SPATA31H1: variants seen among roughly 807,000 people sequenced by gnomAD.
SPATA31H1 encodes the protein spermatogenesis-associated protein 31H1.
the SPATA31H1 span, among the ~76,000 whole-genome samples, chr2:27,562,624 C>T: frequency 6.6e-6 from 1 of 150,852 alleles, no homozygotes; most frequent in Non-Finnish European, 1.5e-5. Context: ...CGGTGGCTCA[C>T]GCCTGTAATC....
At chr2:27,581,375 T>C in the SPATA31H1 span, 1 of 1,607,268 alleles carries the variant, frequency 6.2e-7, no homozygotes, top group Non-Finnish European at 8.5e-7. Flanking sequence ...ATTCCAGTCC[T>C]TCTGAGAGAA....
At chr2:27,541,554 C>G in the SPATA31H1 span, among the ~76,000 whole-genome samples, 2 of 151,568 alleles carry the variant, frequency 1.3e-5, 1 homozygote, top group African/African-American at 4.9e-5. Flanking sequence ...AATGAACGAA[C>G]GACTTCTCAG....
the SPATA31H1 span, chr2:27,575,227 T>C: frequency 2.5e-6 from 1 of 398,562 alleles, no homozygotes; most frequent in East Asian, 3.6e-5. The surrounding 1 kb of genome is among the most constrained non-coding windows in gnomAD (Gnocchi z 4.1). Flanking sequence ...AAGTTGGCCT[T>C]GGAATCAAAG....
At chr2:27,552,585 T>C in the SPATA31H1 span, among the ~76,000 whole-genome samples, 8 of 152,050 alleles carry the variant, frequency 5.3e-5, no homozygotes, top group African/African-American at 1.9e-4. Flanking sequence ...TGTAATTCCA[T>C]ATGAATTTTA....
At chr2:27,580,979 C>T in the SPATA31H1 span, 2 of 1,614,168 alleles carry the variant, frequency 1.2e-6, no homozygotes, top group South Asian at 1.1e-5. Flanking sequence ...TCCAAACTGC[C>T]TCAGTGGGGC....
chr2:27,560,060 G>T, the SPATA31H1 span, among the ~76,000 whole-genome samples: 6 of 151,712 alleles, frequency 4.0e-5, no homozygotes, highest in Admixed American at 2.0e-4. Context: ...TAGAGATGGG[G>T]TTTCACCATG....
At chr2:27,582,201 T>C in the SPATA31H1 span, 1 of 1,584,380 alleles carries the variant, frequency 6.3e-7, no homozygotes, top group Non-Finnish European at 8.6e-7. Flanking sequence ...TGGGAAAACC[T>C]GTCACAGTCC....
the SPATA31H1 span, chr2:27,568,837 G>C: frequency 2.5e-6 from 1 of 398,850 alleles, no homozygotes; most frequent in Non-Finnish European, 4.4e-6. Flanking sequence ...CTGAACAAAG[G>C]GACACAATTT....
chr2:27,569,031 A>G, the SPATA31H1 span: 2 of 398,878 alleles, frequency 5.0e-6, no homozygotes, highest in Non-Finnish European at 8.8e-6. Context: ...TATTGGGTTG[A>G]CACAACCATC....
chr2:27,540,135 C>T, the SPATA31H1 span, among the ~76,000 whole-genome samples: 18 of 104,240 alleles, frequency 1.7e-4, no homozygotes, highest in East Asian at 3.6e-4. Context: ...GCCGGCCGGG[C>T]GGGGGGCTGA....
chr2:27,577,570 T>C, the SPATA31H1 span: 1 of 1,614,118 alleles, frequency 6.2e-7, no homozygotes, highest in East Asian at 2.2e-5. The surrounding 1 kb of genome is among the most constrained non-coding windows in gnomAD (Gnocchi z 4.5). Flanking sequence ...GAAGAATCTG[T>C]GGTATTGATT....
chr2:27,580,718 C>G, the SPATA31H1 span: 9 of 1,614,194 alleles, frequency 5.6e-6, no homozygotes, highest in Non-Finnish European at 7.6e-6. Flanking sequence ...CAAGGCCAGA[C>G]AATTTGTGGG....
the SPATA31H1 span, among the ~76,000 whole-genome samples, chr2:27,543,193 G>A: frequency 6.6e-6 from 1 of 151,986 alleles, no homozygotes. Context: ...GTACTCTATT[G>A]CCTGCAGCAG....
the SPATA31H1 span, chr2:27,581,770 G>A: frequency 6.2e-7 from 1 of 1,612,136 alleles, no homozygotes. Flanking sequence ...TCAGAGAGAA[G>A]CCATCACAGT....
chr2:27,577,304 A>G, the SPATA31H1 span: 1 of 1,614,076 alleles, frequency 6.2e-7, no homozygotes, highest in Non-Finnish European at 8.5e-7. This position sits in a 1 kb window ranked among gnomAD's most constrained non-coding sequence, Gnocchi z 4.5. Flanking sequence ...CACGGCCCCG[A>G]GTTAAGGATG....
chr2:27,539,240 C>G, the SPATA31H1 span, among the ~76,000 whole-genome samples: 85,772 of 147,668 alleles, frequency 0.58, 25,692 homozygotes, highest in East Asian at 0.85. Context: ...GTTTTCCTAG[C>G]CAGAGGACCC....
the SPATA31H1 span, chr2:27,578,167 C>T: frequency 3.7e-6 from 6 of 1,614,096 alleles, no homozygotes; most frequent in South Asian, 1.1e-5. Context: ...ATACCAAGGC[C>T]AACCCCTCAA....
the SPATA31H1 span, chr2:27,567,468 T>C: frequency 2.4e-6 from 1 of 422,074 alleles, no homozygotes; most frequent in Non-Finnish European, 4.2e-6. Flanking sequence ...CAACAACAAA[T>C]CCTCAGACCT....
the SPATA31H1 span, chr2:27,565,375 A>G: frequency 4.2e-6 from 3 of 717,416 alleles, no homozygotes; most frequent in East Asian, 2.7e-5. Context: ...TCCAGAAATT[A>G]ACAGGTCAGA....
Sources: gnomAD v4.1 joint callset for allele counts (sites outside exome capture counted in the v4.1 genomes callset) on GRCh38, gnomAD v4.1.1 for gene constraint, Gnocchi (gnomAD v3.1) non-coding constraint, MANE v1.5 for transcripts, NCBI Gene and HGNC (gene_info 2026-07-23, HGNC 2026-07-21) for gene names.